The following AMBRA1 variants were observed in gnomAD, a reference collection of about 807,000 sequenced individuals.
AMBRA1 encodes the protein activating molecule in BECN1-regulated autophagy protein 1.
A neutral mutation model predicts 125.4 loss-of-function variants in AMBRA1; 47 were observed. That is an observed-to-expected ratio of 0.37 (90% CI 0.30 to 0.48). The LOEUF (loss-of-function observed/expected upper bound fraction) is 0.48. Ranked by LOEUF, AMBRA1 falls within the 20% of genes least tolerant of loss-of-function variation. The pLI is 0.99. For missense variants in AMBRA1, 1,331 were observed against 1,693.4 expected (o/e 0.79, Z 3.76); for synonymous variants, 626 against 655.5 (o/e 0.95, Z 0.69).
intron 14 of AMBRA1, among the ~76,000 whole-genome samples, chr11:46,431,160 C>T (rs999372155): frequency 2.0e-5 from 3 of 152,192 alleles, no homozygotes; most frequent in African/African-American, 7.2e-5. Flanking sequence ...TTGACCTAAA[C>T]CTTGTTGAGA....
chr11:46,581,590 T>C (rs1218939885), intron 1 of AMBRA1, among the ~76,000 whole-genome samples: 1 of 150,734 alleles, frequency 6.6e-6, no homozygotes, highest in Non-Finnish European at 1.5e-5. Flanking sequence ...TGGGTGACAG[T>C]GCGAGACTTC....
intron 11 of AMBRA1, 107 bp from the exon 12 acceptor site, chr11:46,443,705 C>G: frequency 1.1e-6 from 1 of 938,924 alleles, no homozygotes; most frequent in Admixed American, 2.2e-5. Flanking sequence ...AGAGGAAAAA[C>G]TAGACTATGG....
intron 7 of AMBRA1, among the ~76,000 whole-genome samples, chr11:46,519,906 A>C (rs1951681899): frequency 6.6e-6 from 1 of 152,124 alleles, no homozygotes; most frequent in Non-Finnish European, 1.5e-5. Flanking sequence ...TTGGGAGGCC[A>C]AGGTGGGCGG....
At chr11:46,551,404 C>A (rs2042992816) in intron 1 of AMBRA1, among the ~76,000 whole-genome samples, 1 of 152,036 alleles carries the variant, frequency 6.6e-6, no homozygotes, top group East Asian at 1.9e-4. Context: ...CCTCAAAGTG[C>A]TGGGCTCAAG....
In AMBRA1 at chr11:46,547,852, T is replaced by C. The variant is rs757612832; in HGVS notation, c.159A>G (p.Pro53=). The stretch of plus-strand genomic sequence containing the variant: ...TGAAGGCCAATAAGAAGGTAGAGCG[T>C]GGACTATCCGGCAGTTCTACTCTCT... ...EGKRVELPDS[P]RSTFLLAFSP... The change falls in exon 3 of 18, where the codon CCA becomes CCG. Residue 53 remains proline, a synonymous_variant. Transcript: ENST00000683756. 2 of 1,607,574 alleles carry C rather than the reference T, an allele frequency of 1.2e-6. No individual in the cohort carries two copies. Among genetic ancestry groups the C allele is most frequent in the Non-Finnish European group, 1.7e-6 (2 of 1,177,686 alleles).
At chr11:46,570,558 C>T (rs2043721144) in intron 1 of AMBRA1, among the ~76,000 whole-genome samples, 1 of 152,130 alleles carries the variant, frequency 6.6e-6, no homozygotes, top group South Asian at 2.1e-4. Context: ...TATACCCCAT[C>T]TCTAAAGTCT....
intron 7 of AMBRA1, among the ~76,000 whole-genome samples, chr11:46,532,393 G>A (rs556703650): frequency 2.0e-5 from 3 of 152,314 alleles, no homozygotes; most frequent in South Asian, 2.1e-4. Context: ...ACCCGTAGTA[G>A]GAGAATTTAC....
chr11:46,416,194 T>TA (rs1946539909), intron 15 of AMBRA1, among the ~76,000 whole-genome samples: 1 of 152,208 alleles, frequency 6.6e-6, no homozygotes, highest in Non-Finnish European at 1.5e-5. Flanking sequence ...AGATGCTTAT[T>TA]AGATTTCTCT....
chr11:46,468,359 G>T (rs1047138404), intron 11 of AMBRA1, among the ~76,000 whole-genome samples: 2 of 151,700 alleles, frequency 1.3e-5, no homozygotes, highest in African/African-American at 4.9e-5. Flanking sequence ...GGGCAATATA[G>T]TGAGACCTCA....
chr11:46,583,677 A>AAAAAAAAAAAAAAAAAAAAAAAAAC (rs1565324615), intron 1 of AMBRA1, among the ~76,000 whole-genome samples: 9 of 143,830 alleles, frequency 6.3e-5, no homozygotes, highest in African/African-American at 1.9e-4. Context: ...AAAAAAAAAA[A>AAAAAAAAAAAAAAAAAAAAAAAAAC]AACAACAAAA....
intron 14 of AMBRA1, among the ~76,000 whole-genome samples, chr11:46,419,611 T>C (rs1015918255): frequency 3.3e-5 from 5 of 152,208 alleles, no homozygotes; most frequent in Non-Finnish European, 7.3e-5. Context: ...CTGGAGTTTA[T>C]TTCCCTTCTT....
At chr11:46,550,562 T>C (rs540991952) in intron 1 of AMBRA1, among the ~76,000 whole-genome samples, 1 of 152,346 alleles carries the variant, frequency 6.6e-6, no homozygotes, top group Non-Finnish European at 1.5e-5. Flanking sequence ...TTGTACTTTT[T>C]TAATGGGGGG....
At chr11:46,438,815 G>T (rs1285666050) in intron 12 of AMBRA1, among the ~76,000 whole-genome samples, 1 of 152,130 alleles carries the variant, frequency 6.6e-6, no homozygotes, top group African/African-American at 2.4e-5. Flanking sequence ...CTTTTTTCAG[G>T]AAAGCAATTT....
chr11:46,504,020 C>G (rs998255364), intron 9 of AMBRA1, among the ~76,000 whole-genome samples: 2 of 152,136 alleles, frequency 1.3e-5, no homozygotes, highest in African/African-American at 2.4e-5. Context: ...TTTCAAGAAG[C>G]TGAATGTAAT....
intron 11 of AMBRA1, among the ~76,000 whole-genome samples, chr11:46,473,960 A>T (rs762194184): frequency 6.6e-6 from 1 of 152,204 alleles, no homozygotes; most frequent in African/African-American, 2.4e-5. Flanking sequence ...AGGATCCTTT[A>T]AGGATTCTTA....
chr11:46,441,438 T>C (rs1260315379), intron 12 of AMBRA1, among the ~76,000 whole-genome samples: 1 of 151,802 alleles, frequency 6.6e-6, no homozygotes, highest in Non-Finnish European at 1.5e-5. Context: ...CGCATGAACC[T>C]GGGGGTGCGG....
At chr11:46,492,848 G>C (rs1437829630) in intron 11 of AMBRA1, among the ~76,000 whole-genome samples, 1 of 152,222 alleles carries the variant, frequency 6.6e-6, no homozygotes, top group Non-Finnish European at 1.5e-5. Flanking sequence ...AGGAGATTGA[G>C]ATCATCCTGG....
intron 12 of AMBRA1, among the ~76,000 whole-genome samples, chr11:46,442,850 C>T (rs1321397329): frequency 6.6e-6 from 1 of 152,044 alleles, no homozygotes; most frequent in Non-Finnish European, 1.5e-5. Flanking sequence ...ACAACTAAGC[C>T]CTATGGGATT....
intron 11 of AMBRA1, among the ~76,000 whole-genome samples, chr11:46,464,182 A>C (rs1179286331): frequency 6.6e-6 from 1 of 152,262 alleles, no homozygotes; most frequent in East Asian, 1.9e-4. Context: ...CCAGAGAATC[A>C]GCACTAGATG....
Sources: allele counts gnomAD v4.1 joint callset (sites outside exome capture counted in the v4.1 genomes callset), GRCh38; gene constraint gnomAD v4.1.1; transcripts MANE v1.5; gene names NCBI Gene and HGNC (gene_info 2026-07-23, HGNC 2026-07-21).